Variants in OR11H4 observed in about 807,000 individuals in gnomAD.
OR11H4 encodes the protein olfactory receptor 11H4.
For missense variants in OR11H4, 460 were observed against 371.1 expected (o/e 1.24, Z -1.97); for synonymous variants, 162 against 142.3 (o/e 1.14, Z -0.98).
chr14:20,243,507 C>T lies in OR11H4; in HGVS notation c.686C>T (p.Pro229Leu). ...TTACTAACAGCTGTTTTTCAGGTCC[C>T]TTCTGCAGCTGGTCGGAGAAAAGCC... ...ILLLTAVFQV[P>L]SAAGRRKAFS... Residue 229 changes from proline to leucine, a missense_variant, in exon 2 of 2, where the codon CCT becomes CTT. Pro to Leu is a moderately conservative substitution (Grantham distance 98). Transcript: ENST00000641082. 6.2e-7 allele frequency: 1 copy of T among 1,613,896 alleles called. No homozygotes were observed. Among genetic ancestry groups the T allele is most frequent in the Non-Finnish European group, 8.5e-7 (1 of 1,179,932 alleles).
intron 1 of OR11H4, among the ~76,000 whole-genome samples, 179 bp downstream of exon 1, chr14:20,239,510 C>G (rs746669323): frequency 3.3e-5 from 5 of 151,904 alleles, no homozygotes; most frequent in Non-Finnish European, 7.4e-5. Context: ...CTGGCTAACA[C>G]GGCGAAACCC....
At position 20,244,037 on chromosome 14, in the gene OR11H4, T is replaced by C. The variant is rs1038095877; in HGVS notation, c.*271T>C. 3.3e-6 allele frequency: 1 copy of C among 300,268 alleles called. No homozygotes were observed. The highest frequency in any genetic ancestry group is 6.1e-6 in the Non-Finnish European group (1 of 162,858). The allele number at this position is 300,268 out of a possible 1,614,324, so 18.6% of individuals were successfully genotyped here. ...GATGCCCTCCTGCTGACATGCCCCA[T>C]GGTTCATCATTGTATATCTTCTTCC... On this transcript the variant is annotated 3_prime_UTR_variant, in exon 2 of 2. Coordinates refer to ENST00000641082, the MANE Select transcript of OR11H4 (RefSeq NM_001004479.2).
rs17277270 is a variant in OR11H4 at position 20,243,693 on chromosome 14, C to G, written c.872C>G (p.Thr291Ser). Residue 291 changes from threonine (T) to serine (S), a missense_variant, in exon 2 of 2, where the codon ACT (threonine) becomes AGT (serine). Transcript: ENST00000641082. ...TTPLFNPLIYTLRNKDMKLAL... is the reference protein window; with the variant it reads ...TTPLFNPLIYSLRNKDMKLAL... Reference sequence around the variant, plus strand: ...CCTCTTTTTAATCCTCTGATCTATACTCTTCGTAATAAGGACATGAAACTC... The same window carrying G: ...CCTCTTTTTAATCCTCTGATCTATAGTCTTCGTAATAAGGACATGAAACTC... 0.15 allele frequency: 236,485 copies of G among 1,610,446 alleles called. 18,970 individuals carry two copies. The highest frequency in any genetic ancestry group is 0.17 in the Non-Finnish European group (196,493 of 1,178,838).
At position 20,243,599 on chromosome 14, in the gene OR11H4, G is replaced by T; in HGVS notation, c.778G>T (p.Val260Leu). 1 of 1,613,950 alleles carries T rather than the reference G, an allele frequency of 6.2e-7. No homozygotes were observed. Among genetic ancestry groups the T allele is most frequent in the Non-Finnish European group, 8.5e-7 (1 of 1,179,886 alleles). ...LFYGTVMVMYVSPTYGIPTLL... is the reference protein window; with the variant it reads ...LFYGTVMVMYLSPTYGIPTLL... ...CTATGGGACAGTCATGGTAATGTAT[G>T]TAAGTCCTACATATGGGATCCCAAC... Residue 260 changes from valine to leucine, a missense_variant, in exon 2 of 2, where the codon GTA becomes TTA. By Grantham distance (32) the Val-to-Leu change is conservative. Transcript: ENST00000641082.
intron 1 of OR11H4, among the ~76,000 whole-genome samples, chr14:20,242,131 C>T (rs1428736076): frequency 3.3e-5 from 5 of 151,946 alleles, no homozygotes; most frequent in Admixed American, 3.3e-4. Flanking sequence ...CAGCACAGAC[C>T]CTTTACGGGT....
intron 1 of OR11H4, 133 bp from the exon 2 acceptor site, chr14:20,242,678 G>A: frequency 1.0e-6 from 1 of 1,001,942 alleles, no homozygotes. Context: ...ATTCCCACCT[G>A]GTCTCAGATT....
chr14:20,242,894 A>G lies in OR11H4; in HGVS notation c.73A>G (p.Ile25Val), dbSNP rs1455577870. The G allele has an allele frequency of 6.2e-7, 1 of 1,614,026 alleles. No homozygotes were observed. The highest frequency in any genetic ancestry group is 1.1e-5 in the South Asian group (1 of 91,072). Residue 25 changes from isoleucine (I) to valine (V), a missense_variant, in exon 2 of 2, where the codon ATT becomes GTT. By Grantham distance (29) the Ile-to-Val change is conservative. Transcript: ENST00000641082. Reference protein sequence around the residue: ...LGFPGCWKIQIFLFSLFLVIY... With the variant: ...LGFPGCWKIQVFLFSLFLVIY... ...ATTCCCTGGTTGCTGGAAGATTCAG[A>G]TTTTCCTCTTCTCATTGTTTTTGGT...
At position 20,243,273 on chromosome 14, in the gene OR11H4, T is replaced by C. The variant is rs376382614; in HGVS notation, c.452T>C (p.Ile151Thr). ...CGKLVSFCWL[I>T]GFLGYPIPIF... ...AAGCTGGTGTCTTTCTGTTGGCTTA[T>C]TGGATTCCTTGGATACCCAATTCCC... The change falls in exon 2 of 2, where the codon ATT becomes ACT. Residue 151 changes from isoleucine to threonine, a missense_variant. Physicochemically the swap from Ile to Thr is moderately conservative, Grantham distance 89. Coordinates refer to ENST00000641082, the MANE Select transcript of OR11H4 (RefSeq NM_001004479.2). 3.7e-6 allele frequency: 6 copies of C among 1,614,188 alleles called. No individual in the cohort carries two copies. The highest frequency in any genetic ancestry group is 1.1e-5 in the South Asian group (1 of 91,078).
chr14:20,242,600 T>C (rs1458484638), intron 1 of OR11H4: 2 of 593,670 alleles, frequency 3.4e-6, no homozygotes, highest in South Asian at 2.2e-5. Context: ...TCTAGCTGCA[T>C]TGGATTGCAT....
chr14:20,243,232 T>G lies in OR11H4; in HGVS notation c.411T>G (p.Thr137=). The G allele has an allele frequency of 6.2e-7, 1 of 1,614,190 alleles. No homozygotes were observed. The highest frequency in any genetic ancestry group is 1.1e-5 in the South Asian group (1 of 91,086). ...CACTGCAGTACCCTGCCATCATGAC[T>G]GTAAGGTTCTGTGGTAAGCTGGTGT... ...CHPLQYPAIM[T]VRFCGKLVSF... Residue 137 remains threonine (T), a synonymous_variant, in exon 2 of 2, where the codon ACT becomes ACG. Coordinates refer to ENST00000641082, the MANE Select transcript of OR11H4 (RefSeq NM_001004479.2).
chr14:20,243,182 G>T lies in OR11H4; in HGVS notation c.361G>T (p.Asp121Tyr), dbSNP rs1292378999. 6.2e-7 allele frequency: 1 copy of T among 1,614,040 alleles called. No homozygotes were observed. Among genetic ancestry groups the T allele is most frequent in the African/African-American group, 1.3e-5 (1 of 74,890 alleles). ...TCTCTTTCTGGCAGTAATGGCTTAT[G>T]ATCGATACCTGGCCATCTGCCACCC... is the stretch of plus-strand genomic sequence containing the variant. ...ECLFLAVMAY[D>Y]RYLAICHPLQ... is the part of the protein sequence containing the mutation. Residue 121 changes from aspartate to tyrosine, a missense_variant, in exon 2 of 2, where the codon GAT (aspartate) becomes TAT (tyrosine). By Grantham distance (160) the Asp-to-Tyr change is radical. Transcript: ENST00000641082.
chr14:20,240,559 C>T (rs1456380067), intron 1 of OR11H4, among the ~76,000 whole-genome samples: 3 of 150,506 alleles, frequency 2.0e-5, no homozygotes, highest in African/African-American at 7.4e-5. Context: ...TAACAAGAAA[C>T]TCAATATTGA....
rs1313773745 is a variant in OR11H4, at chr14:20,243,195, C to T, written c.374C>T (p.Ala125Val). 10 of 1,614,132 alleles carry T rather than the reference C, an allele frequency of 6.2e-6. No homozygotes were observed. The highest frequency in any genetic ancestry group is 1.3e-5 in the African/African-American group (1 of 75,026). Residue 125 changes from alanine to valine, a missense_variant, in exon 2 of 2, where the codon GCC becomes GTC. Physicochemically the swap from Ala to Val is moderately conservative, Grantham distance 64. Coordinates refer to ENST00000641082, the MANE Select transcript of OR11H4 (RefSeq NM_001004479.2). Reference sequence around the variant, plus strand: ...GTAATGGCTTATGATCGATACCTGGCCATCTGCCACCCACTGCAGTACCCT... The same window carrying T: ...GTAATGGCTTATGATCGATACCTGGTCATCTGCCACCCACTGCAGTACCCT... ...LAVMAYDRYL[A>V]ICHPLQYPAI...
intron 1 of OR11H4, among the ~76,000 whole-genome samples, chr14:20,241,227 T>C (rs980592490): frequency 1.3e-5 from 2 of 152,182 alleles, no homozygotes; most frequent in Admixed American, 6.5e-5. Context: ...AAAAGTAAGA[T>C]AGTTCCTTTT....
chr14:20,242,178 C>A (rs11625681), intron 1 of OR11H4, among the ~76,000 whole-genome samples: 1 of 151,764 alleles, frequency 6.6e-6, no homozygotes, highest in Non-Finnish European at 1.5e-5. Flanking sequence ...TCTCATCCCA[C>A]GAGGCCATAT....
chr14:20,242,252 C>A (rs1041061811), intron 1 of OR11H4, among the ~76,000 whole-genome samples: 3 of 152,076 alleles, frequency 2.0e-5, no homozygotes, highest in Non-Finnish European at 4.4e-5. Flanking sequence ...GAGGTCCCTG[C>A]AGCTTTCCAC....
chr14:20,242,658 G>T, intron 1 of OR11H4, 153 bp from the exon 2 acceptor site: 2 of 785,362 alleles, frequency 2.5e-6, no homozygotes, highest in South Asian at 1.9e-5. Context: ...TTCAAAATTT[G>T]GTAGGACATA....
chr14:20,241,076 T>G (rs775657035), intron 1 of OR11H4, among the ~76,000 whole-genome samples: 8 of 152,180 alleles, frequency 5.3e-5, no homozygotes, highest in Admixed American at 1.3e-4. Flanking sequence ...ATACATAGGA[T>G]TGCAGATGAA....
intron 1 of OR11H4, 64 bp from the exon 2 acceptor site, chr14:20,242,747 G>T: frequency 6.4e-7 from 1 of 1,560,382 alleles, no homozygotes; most frequent in Non-Finnish European, 8.7e-7. Context: ...CTTGAGATAC[G>T]TAGCAAGCAA....
Sources: gnomAD v4.1 joint callset for allele counts (sites outside exome capture counted in the v4.1 genomes callset) on GRCh38, gnomAD v4.1.1 for gene constraint, MANE v1.5 for transcripts, NCBI Gene and HGNC (gene_info 2026-07-23, HGNC 2026-07-21) for gene names.